Variants in MGAT4A observed in about 807,000 individuals in gnomAD.
MGAT4A encodes alpha-1,3-mannosyl-glycoprotein 4-beta-N-acetylglucosaminyltransferase A.
MGAT4A carries 33 observed loss-of-function variants against 74.1 expected under a neutral mutation model. The observed-to-expected ratio is 0.45, with a 90% CI of 0.34 to 0.60. The LOEUF is 0.60. Among genes scored for constraint, MGAT4A ranks in the 20% least tolerant of loss-of-function variants. The probability of loss-of-function intolerance (pLI) is 0.02; values close to 1 mark genes in which losing one functional copy is unlikely to be tolerated. For missense variants in MGAT4A, 479 were observed against 628.3 expected, an observed-to-expected ratio of 0.76 and a Z score of 2.54; for synonymous variants, 198 against 210.4, an observed-to-expected ratio of 0.94 and a Z score of 0.51.
At chr2:98,683,869 G>A (rs913321350) in intron 2 of MGAT4A, among the ~76,000 whole-genome samples, 2 of 152,156 alleles carry the variant, frequency 1.3e-5, no homozygotes, top group African/African-American at 4.8e-5. Context: ...ATTGGATAAT[G>A]TCACAGGTAT....
intron 4 of MGAT4A, among the ~76,000 whole-genome samples, chr2:98,664,200 CAAAAAAAAAAAAAAA>C (rs57981145): frequency 9.7e-5 from 5 of 51,486 alleles, no homozygotes; most frequent in Admixed American, 3.0e-4. Context: ...GATTCCATCT[CAAAAAAAAAAAAAAA>C]AAAAAAAAAA....
intron 14 of MGAT4A, 89 bp downstream of exon 14, chr2:98,635,133 T>A: frequency 1.0e-6 from 1 of 956,252 alleles, no homozygotes; most frequent in Non-Finnish European, 1.6e-6. Context: ...ATTGTAATCC[T>A]CAAGTTGCTT....
At chr2:98,656,836 T>C (rs773904078) in intron 6 of MGAT4A, among the ~76,000 whole-genome samples, 44 of 152,072 alleles carry the variant, frequency 2.9e-4, no homozygotes, top group Admixed American at 6.6e-5. Flanking sequence ...TAAGTATGTA[T>C]GTGTCTTTAA....
chr2:98,642,885 G>C (rs1701430459), intron 10 of MGAT4A, among the ~76,000 whole-genome samples: 1 of 152,124 alleles, frequency 6.6e-6, no homozygotes, highest in African/African-American at 2.4e-5. Flanking sequence ...TGCAATGATA[G>C]CCTACAGACA....
chr2:98,621,655 G>A lies in MGAT4A; in HGVS notation c.*3911C>T. ...GGTCATTGGTGGGGGTGTCAGTAGGGGTCATTCTTAGAAATTTGCCTACCA... is the reference window on the plus strand; with the variant it reads ...GGTCATTGGTGGGGGTGTCAGTAGGAGTCATTCTTAGAAATTTGCCTACCA... On this transcript the variant is annotated 3_prime_UTR_variant, in exon 16 of 16. Coordinates refer to ENST00000393487, the MANE Select transcript of MGAT4A (RefSeq NM_012214.3). The A allele has an allele frequency of 4.9e-6, 7 of 1,433,898 alleles. No homozygotes were observed. Among genetic ancestry groups the A allele is most frequent in the Non-Finnish European group, 6.4e-6 (7 of 1,092,924 alleles). The allele number at this position is 1,433,898 out of a possible 1,614,324, so 88.8% of individuals were successfully genotyped here. A position where few individuals can be genotyped will look rare whatever the true frequency, so the allele number is the denominator to read the frequency against.
Position 98,625,525 on chromosome 2 carries a change from T to A in MGAT4A, c.*41A>T. 6.2e-7 allele frequency: 1 copy of A among 1,601,616 alleles called. No individual in the cohort carries two copies. The highest frequency in any genetic ancestry group is 8.5e-7 in the Non-Finnish European group (1 of 1,177,052). ...AGATACATGCTTAACTATCTTTAAT[T>A]AACAAATTCACAGGAAAAAATGTGT... On this transcript the variant is annotated 3_prime_UTR_variant, in exon 16 of 16. Coordinates refer to ENST00000393487, the MANE Select transcript of MGAT4A (RefSeq NM_012214.3).
chr2:98,633,688 CAT>C lies in MGAT4A; in HGVS notation c.1468+1532_1468+1533del, dbSNP rs1374299830. Among the ~76,000 whole-genome samples, 2 of 152,172 alleles carry C rather than the reference CAT, an allele frequency of 1.3e-5. 1 individual carries two copies. Among genetic ancestry groups the C allele is most frequent in the East Asian group, 3.8e-4 (2 of 5,196 alleles). On this transcript the variant is annotated intron_variant, in intron 14 of 15. Coordinates refer to ENST00000393487, the MANE Select transcript of MGAT4A (RefSeq NM_012214.3). ...AGAAGTTCACTTCTCATTCTAAGAA[CAT>C]ATGAGTTGATATTTTAGATGGTCAT...
At chr2:98,644,106 T>C (rs1701451564) in intron 9 of MGAT4A, 53 bp from the exon 10 acceptor site, 4 of 1,460,514 alleles carry the variant, frequency 2.7e-6, no homozygotes, top group Non-Finnish European at 3.7e-6. Context: ...AGCACCAAAA[T>C]GGCTTACATT....
At chr2:98,705,658 A>C (rs1455468461) in intron 2 of MGAT4A, among the ~76,000 whole-genome samples, 2 of 152,202 alleles carry the variant, frequency 1.3e-5, no homozygotes, top group Admixed American at 1.3e-4. Context: ...AAAATCAACT[A>C]ACAGGCCGGG....
intron 2 of MGAT4A, among the ~76,000 whole-genome samples, chr2:98,702,317 G>T (rs1232453923): frequency 1.3e-5 from 2 of 152,226 alleles, no homozygotes; most frequent in African/African-American, 4.8e-5. Flanking sequence ...AAGCCCAGAG[G>T]CAGGCAAGCA....
Position 98,663,113 on chromosome 2 carries a change from T to C in MGAT4A, c.470A>G (p.His157Arg). Residue 157 changes from histidine (H) to arginine (R), a missense_variant, in exon 5 of 16, where the codon CAT becomes CGT. Coordinates refer to ENST00000393487, the MANE Select transcript of MGAT4A (RefSeq NM_012214.3). Reference sequence around the variant, plus strand: ...AGGATACAGGTTATCAATAAGGGAATGAAGAGTTTCTATGAGGTAAGATTT... The same window carrying C: ...AGGATACAGGTTATCAATAAGGGAACGAAGAGTTTCTATGAGGTAAGATTT... The part of the protein sequence containing the change: ...EVKSYLIETL[H>R]SLIDNLYPEE... 6.2e-7 allele frequency: 1 copy of C among 1,604,560 alleles called. No individual in the cohort carries two copies. Among genetic ancestry groups the C allele is most frequent in the Non-Finnish European group, 8.5e-7 (1 of 1,173,212 alleles).
intron 3 of MGAT4A, 36 bp downstream of exon 3, chr2:98,678,268 A>AT (rs1491005779): frequency 7.8e-6 from 5 of 637,386 alleles, no homozygotes; most frequent in African/African-American, 2.0e-5. Flanking sequence ...ATATATATAT[A>AT]AAATCTTTTT....
intron 10 of MGAT4A, 95 bp downstream of exon 10, chr2:98,643,824 CACCT>C (rs1283023683): frequency 8.3e-7 from 1 of 1,206,374 alleles, no homozygotes; most frequent in East Asian, 2.7e-5. Flanking sequence ...AGTTTTATAT[CACCT>C]ACCTATTTAA....
At chr2:98,663,874 G>A (rs149578949) in intron 4 of MGAT4A, among the ~76,000 whole-genome samples, 84 of 152,184 alleles carry the variant, frequency 5.5e-4, no homozygotes, top group African/African-American at 2.0e-3. Context: ...GTTTTTGATC[G>A]CTATACTATG....
intron 2 of MGAT4A, among the ~76,000 whole-genome samples, chr2:98,692,917 G>A (rs1702214169): frequency 6.6e-6 from 1 of 152,044 alleles, no homozygotes; most frequent in African/African-American, 2.4e-5. Context: ...TCCCAAATTT[G>A]GTAAAACACA....
chr2:98,646,793 C>T (rs1701492080), intron 8 of MGAT4A, among the ~76,000 whole-genome samples: 1 of 152,186 alleles, frequency 6.6e-6, no homozygotes, highest in Non-Finnish European at 1.5e-5. Flanking sequence ...CATAACGATA[C>T]ATTGTTTTTA....
chr2:98,679,676 C>T (rs887738039), intron 2 of MGAT4A, among the ~76,000 whole-genome samples: 1 of 152,082 alleles, frequency 6.6e-6, no homozygotes, highest in Non-Finnish European at 1.5e-5. Flanking sequence ...TGTACAATGA[C>T]CCTTGTTAAA....
intron 2 of MGAT4A, among the ~76,000 whole-genome samples, chr2:98,722,563 T>A (rs1702691106): frequency 6.6e-6 from 1 of 152,140 alleles, no homozygotes; most frequent in Non-Finnish European, 1.5e-5. Flanking sequence ...AGGACAGTAA[T>A]AGCTAAAGGG....
chr2:98,716,323 C>CA (rs1467177044), intron 2 of MGAT4A, among the ~76,000 whole-genome samples: 2 of 151,816 alleles, frequency 1.3e-5, no homozygotes, highest in African/African-American at 4.8e-5. Context: ...GACCCAGTTT[C>CA]AAAAAACAAG....
Sources: allele counts gnomAD v4.1 joint callset (sites outside exome capture counted in the v4.1 genomes callset), GRCh38; gene constraint gnomAD v4.1.1; transcripts MANE v1.5; gene names NCBI Gene and HGNC (gene_info 2026-07-23, HGNC 2026-07-21).